Variants in TECPR2 observed in about 807,000 individuals in gnomAD.
The protein encoded by TECPR2 is tectonin beta-propeller repeat containing 2.
In TECPR2, 65 loss-of-function variants were observed where a neutral mutation model predicts 138.1. The observed-to-expected ratio is 0.47, with a 90% CI of 0.39 to 0.58. The LOEUF is 0.58. TECPR2 is among the 20% of genes least tolerant of loss of function. TECPR2 has a pLI of 0.00. For synonymous variants in TECPR2, 746 were observed against 749.8 expected (o/e 0.99, Z 0.08); for missense variants, 1,553 against 1,824.5 (o/e 0.85, Z 2.71).
At chr14:102,463,416 CAAAAAAA>C (rs550694466) in intron 16 of TECPR2, among the ~76,000 whole-genome samples, 16 of 38,538 alleles carry the variant, frequency 4.2e-4, no homozygotes, top group Non-Finnish European at 7.3e-4. Context: ...GACTCCGTCT[CAAAAAAA>C]AAAAAAAAAA....
chr14:102,442,516 G>C (rs1189693211), intron 11 of TECPR2, among the ~76,000 whole-genome samples: 1 of 152,242 alleles, frequency 6.6e-6, no homozygotes, highest in Non-Finnish European at 1.5e-5. Flanking sequence ...TTTGAGCTTT[G>C]GTCATGGGGA....
chr14:102,459,161 G>A (rs1426178948), intron 16 of TECPR2, among the ~76,000 whole-genome samples: 2 of 151,908 alleles, frequency 1.3e-5, no homozygotes, highest in Non-Finnish European at 2.9e-5. Flanking sequence ...AAACTCCTGG[G>A]CTCCAGTGAT....
In TECPR2 at chr14:102,376,725, G is replaced by A; in HGVS notation, c.4G>A (p.Ala2Thr). 1.2e-6 allele frequency: 2 copies of A among 1,614,110 alleles called. No individual in the cohort carries two copies. The highest frequency in any genetic ancestry group is 8.5e-7 in the Non-Finnish European group (1 of 1,179,972). ...ATAGTCTGTGGAAACCTTGGCCATGGCATCGATATCAGAGCCTGTTACATT... is the reference window on the plus strand; with the variant it reads ...ATAGTCTGTGGAAACCTTGGCCATGACATCGATATCAGAGCCTGTTACATT... M[A>T]SISEPVTFRE... Residue 2 changes from alanine (A) to threonine (T), a missense_variant, in exon 2 of 20, where the codon GCA (alanine) becomes ACA (threonine). Coordinates refer to ENST00000359520, the MANE Select transcript of TECPR2 (RefSeq NM_014844.5).
At chr14:102,407,634 C>T (rs1270102496) in intron 3 of TECPR2, among the ~76,000 whole-genome samples, 168 bp downstream of exon 3, 2 of 152,138 alleles carry the variant, frequency 1.3e-5, no homozygotes, top group Non-Finnish European at 2.9e-5. Context: ...AAGGCCAAGG[C>T]GGGCTGATCA....
In TECPR2 at chr14:102,446,030, C is replaced by T. The variant is rs777256566; in HGVS notation, c.3075+83C>T. On this transcript the variant is annotated intron_variant, in intron 13 of 19. Coordinates refer to ENST00000359520, the MANE Select transcript of TECPR2 (RefSeq NM_014844.5). ...TTTCTTACTTCTCTCTTTTCCTTAA[C>T]GATACTAGATTAAATTTAAAATACT... 65 of 1,436,022 alleles carry T rather than the reference C, an allele frequency of 4.5e-5. No homozygotes were observed. In the Middle Eastern group the frequency reaches 2.9e-3, roughly 64 times the overall value. 89.0% of individuals were successfully genotyped at this position (1,436,022 alleles called of 1,614,324 possible). A position where few individuals can be genotyped will look rare whatever the true frequency, so the allele number is the denominator to read the frequency against.
intron 2 of TECPR2, among the ~76,000 whole-genome samples, chr14:102,400,506 G>A (rs1268533501): frequency 2.0e-5 from 3 of 152,224 alleles, no homozygotes; most frequent in South Asian, 4.1e-4. Context: ...CTGTAATGGA[G>A]TGGAGCTTTT....
chr14:102,406,276 T>C lies in TECPR2; in HGVS notation c.220-1062T>C, dbSNP rs546186586. ...AAAATTGGGGGATGAGGGCTGGGCA[T>C]GGTGGCCCACACCTGTAATCCCAGC... On this transcript the variant is annotated intron_variant, in intron 2 of 19. Coordinates refer to ENST00000359520, the MANE Select transcript of TECPR2 (RefSeq NM_014844.5). Among the ~76,000 whole-genome samples, 50 of 152,028 alleles carry C rather than the reference T, an allele frequency of 3.3e-4. No individual in the cohort carries two copies. The South Asian group carries it at 4.8e-3, about 15-fold the overall frequency.
intron 8 of TECPR2, among the ~76,000 whole-genome samples, 172 bp from the exon 9 acceptor site, chr14:102,434,063 A>G (rs1393909812): frequency 6.6e-6 from 1 of 152,192 alleles, no homozygotes; most frequent in Non-Finnish European, 1.5e-5. Context: ...ACTTGCATGC[A>G]TAGAAAGCAT....
intron 2 of TECPR2, among the ~76,000 whole-genome samples, chr14:102,390,566 TGTTA>T (rs1259262158): frequency 3.3e-5 from 5 of 152,094 alleles, no homozygotes; most frequent in African/African-American, 1.2e-4. Flanking sequence ...CTCTACACTG[TGTTA>T]GTTAGGAAAA....
Position 102,438,017 on chromosome 14 carries a change from G to A in TECPR2, c.2395-5G>A, listed in dbSNP as rs1595125861. 3 of 1,613,092 alleles carry A rather than the reference G, an allele frequency of 1.9e-6. No homozygotes were observed. Among genetic ancestry groups the A allele is most frequent in the Non-Finnish European group, 2.5e-6 (3 of 1,179,512 alleles). The stretch of plus-strand genomic sequence containing the variant: ...CACAGAACTCACTGGCTCTTCCCTT[G>A]TTAGTTTGCAGAAAGCTGGATGGGC... On this transcript the variant is annotated splice_region_variant and splice_polypyrimidine_tract_variant and intron_variant, in intron 9 of 19. Transcript: ENST00000359520.
intron 17 of TECPR2, among the ~76,000 whole-genome samples, chr14:102,467,170 A>C (rs1473996181): frequency 6.6e-6 from 1 of 152,058 alleles, no homozygotes. Flanking sequence ...TCCCAGTTCT[A>C]TTGGGTATCT....
At chr14:102,478,518 G>GA (rs995685158) in intron 17 of TECPR2, among the ~76,000 whole-genome samples, 3 of 151,286 alleles carry the variant, frequency 2.0e-5, no homozygotes, top group Non-Finnish European at 4.4e-5. Context: ...CCATCTCTAT[G>GA]AAAAATACAA....
intron 17 of TECPR2, among the ~76,000 whole-genome samples, chr14:102,472,895 T>C (rs1890678792): frequency 6.6e-6 from 1 of 152,206 alleles, no homozygotes; most frequent in African/African-American, 2.4e-5. Flanking sequence ...GGAAGGCGCT[T>C]CTCCCGGGCT....
intron 4 of TECPR2, among the ~76,000 whole-genome samples, chr14:102,410,696 C>T (rs1009852547): frequency 5.9e-5 from 9 of 152,172 alleles, no homozygotes; most frequent in Admixed American, 2.0e-4. Flanking sequence ...TAGACTGTGC[C>T]CCCCCTCAAA....
At chr14:102,409,304 A>ATT (rs545807038) in intron 4 of TECPR2, among the ~76,000 whole-genome samples, 6 of 144,856 alleles carry the variant, frequency 4.1e-5, no homozygotes, top group South Asian at 2.2e-4. Flanking sequence ...GAATTCAGCA[A>ATT]TTTTTTTTTT....
chr14:102,437,162 A>G (rs1184898880), intron 9 of TECPR2: 33 of 985,362 alleles, frequency 3.3e-5, no homozygotes, highest in Non-Finnish European at 3.9e-5. Context: ...GTTAACTTCT[A>G]TGTGGGTATC....
chr14:102,366,136 C>T (rs1203765229), intron 1 of TECPR2, among the ~76,000 whole-genome samples: 1 of 152,016 alleles, frequency 6.6e-6, no homozygotes, highest in Admixed American at 6.6e-5. Context: ...CTATATTAGT[C>T]CTAGCTCCAG....
intron 12 of TECPR2, among the ~76,000 whole-genome samples, 180 bp from the exon 13 acceptor site, chr14:102,445,626 C>G (rs1437141467): frequency 6.6e-6 from 1 of 152,158 alleles, no homozygotes; most frequent in Admixed American, 6.6e-5. Context: ...TGAACCATAT[C>G]TCTTGCACAG....
chr14:102,440,632 G>A (rs1051773401), intron 11 of TECPR2, 23 bp downstream of exon 11: 3 of 1,604,432 alleles, frequency 1.9e-6, no homozygotes, highest in African/African-American at 1.3e-5. Context: ...CACGCTTAGA[G>A]GCCTGCCAGC....
Sources: allele counts gnomAD v4.1 joint callset (sites outside exome capture counted in the v4.1 genomes callset), GRCh38; gene constraint gnomAD v4.1.1; transcripts MANE v1.5; gene names NCBI Gene and HGNC (gene_info 2026-07-23, HGNC 2026-07-21).